Variants in KLHL1 observed in about 807,000 individuals in gnomAD.
The protein encoded by KLHL1 is kelch like family member 1.
KLHL1 carries 47 observed loss-of-function variants against 77.7 expected under a neutral mutation model. The ratio of observed to expected loss-of-function variants is 0.60; its 90% CI spans 0.48 to 0.77. The LOEUF (loss-of-function observed/expected upper bound fraction) is 0.77. Among genes scored for constraint, KLHL1 ranks in the 30% least tolerant of loss-of-function variants. The pLI, the probability that KLHL1 is intolerant of heterozygous loss-of-function variation, is 0.00. For synonymous variants in KLHL1, 360 were observed against 325.2 expected, an observed-to-expected ratio of 1.11 and a Z score of -1.15; for missense variants, 925 against 910.8, an observed-to-expected ratio of 1.02 and a Z score of -0.20.
intron 1 of KLHL1, among the ~76,000 whole-genome samples, chr13:70,072,563 A>G (rs1887160587): frequency 6.6e-6 from 1 of 152,190 alleles, no homozygotes; most frequent in Non-Finnish European, 1.5e-5. Flanking sequence ...CACATCAAAT[A>G]GAAAAATGTA....
intron 4 of KLHL1, among the ~76,000 whole-genome samples, chr13:69,914,854 T>C (rs1206798749): frequency 3.9e-5 from 6 of 152,080 alleles, no homozygotes; most frequent in Non-Finnish European, 7.4e-5. Context: ...GGCAGCAAAA[T>C]AGATAAAAGA....
At chr13:69,828,905 G>A (rs1382550756) in intron 6 of KLHL1, among the ~76,000 whole-genome samples, 1 of 150,078 alleles carries the variant, frequency 6.7e-6, no homozygotes, top group Non-Finnish European at 1.5e-5. Flanking sequence ...AGCAAGCCCT[G>A]CCCAAGGAGA....
intron 4 of KLHL1, among the ~76,000 whole-genome samples, chr13:69,901,945 G>A (rs1473575866): frequency 6.6e-6 from 1 of 151,940 alleles, no homozygotes; most frequent in Non-Finnish European, 1.5e-5. Flanking sequence ...TTACAAGCAT[G>A]TACCACCTTG....
At chr13:69,900,713 A>G (rs1263213592) in intron 4 of KLHL1, among the ~76,000 whole-genome samples, 1 of 152,204 alleles carries the variant, frequency 6.6e-6, no homozygotes, top group African/African-American at 2.4e-5. Flanking sequence ...GATCTTTGAG[A>G]AAAAGAAGAC....
At chr13:69,842,531 C>CA (rs1368270870) in intron 5 of KLHL1, among the ~76,000 whole-genome samples, 1 of 151,448 alleles carries the variant, frequency 6.6e-6, no homozygotes, top group Non-Finnish European at 1.5e-5. Flanking sequence ...TTTAAGAAGA[C>CA]AAAAAATAAC....
chr13:69,826,640 A>G (rs1021417375), intron 6 of KLHL1, among the ~76,000 whole-genome samples: 2 of 152,146 alleles, frequency 1.3e-5, no homozygotes, highest in African/African-American at 2.4e-5. Context: ...GCAGGGAAAA[A>G]TATTTGAGGC....
chr13:69,942,000 C>A (rs1190791590), intron 3 of KLHL1, among the ~76,000 whole-genome samples: 1 of 151,872 alleles, frequency 6.6e-6, no homozygotes, highest in African/African-American at 2.4e-5. Flanking sequence ...CAGAGGGAGT[C>A]AAAGCTCAAT....
intron 9 of KLHL1, among the ~76,000 whole-genome samples, chr13:69,718,075 G>GA (rs1187945719): frequency 6.6e-6 from 1 of 152,050 alleles, no homozygotes; most frequent in African/African-American, 2.4e-5. Flanking sequence ...CTCATCCTTA[G>GA]AAAAAAATGT....
At chr13:69,860,401 G>A (rs1024529760) in intron 5 of KLHL1, among the ~76,000 whole-genome samples, 25 of 151,972 alleles carry the variant, frequency 1.6e-4, no homozygotes, top group Non-Finnish European at 1.5e-5. Flanking sequence ...GGCATTGTAA[G>A]ATAGTTGCCT....
intron 4 of KLHL1, among the ~76,000 whole-genome samples, chr13:69,920,404 C>T (rs556886852): frequency 6.6e-6 from 1 of 152,026 alleles, no homozygotes; most frequent in Admixed American, 6.6e-5. Flanking sequence ...TTAGGCAGTA[C>T]CCAATAAAAT....
intron 4 of KLHL1, among the ~76,000 whole-genome samples, chr13:69,913,868 G>A (rs1001948622): frequency 2.0e-5 from 3 of 152,192 alleles, no homozygotes; most frequent in Non-Finnish European, 2.9e-5. Flanking sequence ...TTTCCTGGGT[G>A]TGTCTGTGAG....
chr13:69,875,532 A>G (rs1176091233), intron 5 of KLHL1, among the ~76,000 whole-genome samples: 1 of 152,136 alleles, frequency 6.6e-6, no homozygotes, highest in Non-Finnish European at 1.5e-5. Flanking sequence ...CTTTCAGATT[A>G]TGTTCCAAAT....
At chr13:69,763,481 G>A (rs1219668365) in intron 7 of KLHL1, among the ~76,000 whole-genome samples, 1 of 152,178 alleles carries the variant, frequency 6.6e-6, no homozygotes, top group African/African-American at 2.4e-5. Flanking sequence ...AGTTGTTAAT[G>A]TTTACATGTA....
chr13:69,906,781 C>A (rs1436217829), intron 4 of KLHL1, among the ~76,000 whole-genome samples: 2 of 151,888 alleles, frequency 1.3e-5, no homozygotes, highest in Non-Finnish European at 2.9e-5. Flanking sequence ...GAATTTATTA[C>A]ACATACTTTT....
intron 1 of KLHL1, among the ~76,000 whole-genome samples, chr13:70,014,456 C>A (rs926266800): frequency 6.6e-6 from 1 of 151,940 alleles, no homozygotes; most frequent in Non-Finnish European, 1.5e-5. Flanking sequence ...AATAAGTATT[C>A]CAATAGCATT....
chr13:69,780,089 T>G lies in KLHL1; in HGVS notation c.1639+16649A>C, dbSNP rs1322679033. ...TTCCAAAGTGCTGGGATGACAGGCA[T>G]GAGCCACCGTGCCCAGCCATTTTTT... On this transcript the variant is annotated intron_variant, in intron 7 of 10. Coordinates refer to ENST00000377844, the MANE Select transcript of KLHL1 (RefSeq NM_020866.3). Among the ~76,000 whole-genome samples the G allele has an allele frequency of 2.6e-5, 4 of 152,206 alleles. No individual in the cohort carries two copies. In the East Asian group the frequency reaches 7.7e-4, roughly 29 times the overall value.
At chr13:69,857,439 A>C (rs1012502199) in intron 5 of KLHL1, among the ~76,000 whole-genome samples, 3 of 152,034 alleles carry the variant, frequency 2.0e-5, no homozygotes, top group African/African-American at 7.2e-5. Context: ...CATATTACTT[A>C]TTATTATATG....
At chr13:69,887,605 C>T (rs1377083373) in intron 4 of KLHL1, among the ~76,000 whole-genome samples, 3 of 152,260 alleles carry the variant, frequency 2.0e-5, no homozygotes, top group South Asian at 2.1e-4. Context: ...TTCCACAAAA[C>T]GCTGGGATGC....
chr13:69,785,566 C>T (rs1365015675), intron 7 of KLHL1, among the ~76,000 whole-genome samples: 1 of 148,096 alleles, frequency 6.8e-6, no homozygotes, highest in Non-Finnish European at 1.5e-5. Flanking sequence ...AGGAAAGATC[C>T]AAAATTGACA....
Sources: gnomAD v4.1 joint callset for allele counts (sites outside exome capture counted in the v4.1 genomes callset) on GRCh38, gnomAD v4.1.1 for gene constraint, MANE v1.5 for transcripts, NCBI Gene and HGNC (gene_info 2026-07-23, HGNC 2026-07-21) for gene names.